HMBOX1: variants seen among roughly 807,000 people sequenced by gnomAD.
The protein encoded by HMBOX1 is homeobox-containing protein 1.
HMBOX1 carries 14 observed loss-of-function variants against 54.5 expected under a neutral mutation model. That is an observed-to-expected ratio of 0.26 (90% CI 0.17 to 0.40). The LOEUF (loss-of-function observed/expected upper bound fraction) is 0.40, where lower values mean the gene tolerates loss of function less well. Ranked by LOEUF, HMBOX1 falls within the 10% of genes least tolerant of loss-of-function variation. The pLI, the probability that HMBOX1 is intolerant of heterozygous loss-of-function variation, is 1.00. For synonymous variants in HMBOX1, 160 were observed against 181.0 expected, an observed-to-expected ratio of 0.88 and a Z score of 0.93; for missense variants, 332 against 514.4, an observed-to-expected ratio of 0.65 and a Z score of 3.43.
chr8:28,924,598 G>C (rs1262715550), intron 1 of HMBOX1: 4 of 151,610 alleles, frequency 2.6e-5, no homozygotes. Context: ...GATCCGTTTT[G>C]AGGTGATTCT....
chr8:28,895,694 T>C (rs1057047241), intron 1 of HMBOX1, among the ~76,000 whole-genome samples: 1 of 150,056 alleles, frequency 6.7e-6, no homozygotes, highest in Non-Finnish European at 1.5e-5. Context: ...AAAATTTTGA[T>C]AATGTATTGT....
intron 1 of HMBOX1, among the ~76,000 whole-genome samples, chr8:28,892,409 T>C (rs1231450900): frequency 6.6e-6 from 1 of 152,228 alleles, no homozygotes; most frequent in Non-Finnish European, 1.5e-5. Flanking sequence ...TAAGGTCATA[T>C]TTTGTACTTC....
intron 8 of HMBOX1, 34 bp downstream of exon 8, chr8:29,047,487 C>T (rs755806779): frequency 9.0e-7 from 1 of 1,116,416 alleles, no homozygotes; most frequent in South Asian, 1.2e-5. Context: ...TTCTCTTGTG[C>T]AGCAGTTGTG....
At chr8:28,906,458 C>T (rs1045265706) in intron 1 of HMBOX1, among the ~76,000 whole-genome samples, 8 of 152,120 alleles carry the variant, frequency 5.3e-5, no homozygotes, top group Admixed American at 3.9e-4. Context: ...GTGTGGTTAT[C>T]TTACATTACA....
intron 1 of HMBOX1, among the ~76,000 whole-genome samples, chr8:28,957,534 C>G (rs1314005625): frequency 6.6e-6 from 1 of 151,908 alleles, no homozygotes. Context: ...TGTAACAAAC[C>G]TGCACATGTA....
At chr8:29,045,831 T>C (rs532635222) in intron 7 of HMBOX1, among the ~76,000 whole-genome samples, 1 of 152,360 alleles carries the variant, frequency 6.6e-6, no homozygotes, top group Non-Finnish European at 1.5e-5. Flanking sequence ...TTTAAAACAA[T>C]TGTTATAAAT....
chr8:29,030,278 C>T (rs1802742228), intron 6 of HMBOX1, among the ~76,000 whole-genome samples: 1 of 150,402 alleles, frequency 6.6e-6, no homozygotes, highest in Non-Finnish European at 1.5e-5. Context: ...AGTACAATGG[C>T]GTGATCTCAG....
At chr8:28,932,192 T>A (rs1459218607) in intron 1 of HMBOX1, among the ~76,000 whole-genome samples, 5 of 152,122 alleles carry the variant, frequency 3.3e-5, no homozygotes, top group African/African-American at 1.2e-4. Flanking sequence ...TATTCAAGGA[T>A]CAGAAAGACG....
intron 5 of HMBOX1, among the ~76,000 whole-genome samples, chr8:29,013,259 A>T (rs1226186331): frequency 6.6e-6 from 1 of 152,004 alleles, no homozygotes; most frequent in Admixed American, 6.5e-5. Flanking sequence ...CCTCAGCCTC[A>T]GGAGTAGCTG....
chr8:28,926,304 T>TATATACACACACAC (rs796953426), intron 1 of HMBOX1, among the ~76,000 whole-genome samples: 9 of 142,212 alleles, frequency 6.3e-5, no homozygotes, highest in African/African-American at 2.4e-4. Context: ...TATATATATA[T>TATATACACACACAC]ACACACACAC....
In HMBOX1 at chr8:29,044,735, G is replaced by A. The variant is rs372038301; in HGVS notation, c.852-626G>A. 2.1e-3 allele frequency among the ~76,000 whole-genome samples: 319 copies of A among 152,098 alleles called. 1 individual carries two copies. Among genetic ancestry groups the A allele is most frequent in the Non-Finnish European group, 2.8e-3 (192 of 68,000 alleles). On this transcript the variant is annotated intron_variant, in intron 6 of 9. Coordinates refer to ENST00000287701, the MANE Select transcript of HMBOX1 (RefSeq NM_001135726.3). The stretch of plus-strand genomic sequence containing the variant: ...AATGGTGTTTTCAATATTATTCTGC[G>A]GATAGTTTTCCTCACTTAGAAATAT...
intron 1 of HMBOX1, among the ~76,000 whole-genome samples, chr8:28,895,473 G>C (rs988055491): frequency 6.6e-6 from 1 of 152,148 alleles, no homozygotes; most frequent in African/African-American, 2.4e-5. Context: ...TCAGGAATTC[G>C]AGACCAGTCT....
chr8:29,003,641 A>G (rs1276123176), intron 4 of HMBOX1, among the ~76,000 whole-genome samples: 1 of 146,982 alleles, frequency 6.8e-6, no homozygotes, highest in Non-Finnish European at 1.5e-5. Flanking sequence ...CCAAATAAGG[A>G]TACCTTTAGG....
At chr8:28,993,376 A>G (rs982717386) in intron 4 of HMBOX1, among the ~76,000 whole-genome samples, 22 of 152,184 alleles carry the variant, frequency 1.4e-4, no homozygotes, top group Admixed American at 1.4e-3. Flanking sequence ...TCCTATAGAA[A>G]TATTTGCTTA....
At chr8:28,943,838 G>A (rs969220536) in intron 1 of HMBOX1, among the ~76,000 whole-genome samples, 12 of 152,060 alleles carry the variant, frequency 7.9e-5, no homozygotes, top group Non-Finnish European at 1.3e-4. Context: ...ATTACATAAG[G>A]GATTACAAAG....
At chr8:28,971,343 G>A (rs375449602) in intron 3 of HMBOX1, among the ~76,000 whole-genome samples, 11 of 152,026 alleles carry the variant, frequency 7.2e-5, no homozygotes, top group Middle Eastern at 3.4e-3. Flanking sequence ...CACCCGCCTC[G>A]GCCTCCCAAA....
At chr8:29,004,340 G>A (rs1199956764) in intron 4 of HMBOX1, among the ~76,000 whole-genome samples, 1 of 152,170 alleles carries the variant, frequency 6.6e-6, no homozygotes. Context: ...CCCTGAAGTC[G>A]ACTGAAAAGA....
intron 6 of HMBOX1, among the ~76,000 whole-genome samples, chr8:29,044,712 T>C (rs1228165690): frequency 6.6e-6 from 1 of 152,188 alleles, no homozygotes; most frequent in African/African-American, 2.4e-5. Flanking sequence ...TTGAAAATAA[T>C]GGTGTTTTCA....
Position 28,973,817 on chromosome 8 carries a change from T to G in HMBOX1, c.500+3298T>G, listed in dbSNP as rs908499576. On this transcript the variant is annotated intron_variant, in intron 3 of 9. Coordinates refer to ENST00000287701, the MANE Select transcript of HMBOX1 (RefSeq NM_001135726.3). ...TACATAATGGAGTTTTTTTTTTTTTTTTTTTTTTTTTTTTTTTGAGACAGT... is the reference window on the plus strand; with the variant it reads ...TACATAATGGAGTTTTTTTTTTTTTGTTTTTTTTTTTTTTTTTGAGACAGT... Among the ~76,000 whole-genome samples the G allele has an allele frequency of 2.5e-4, 32 of 128,412 alleles. 2 individuals are homozygous for G. The highest frequency in any genetic ancestry group is 1.1e-3 in the East Asian group (5 of 4,686). The allele number at this position is 128,412 out of a possible 152,430, so 84.2% of individuals were successfully genotyped here.
Sources: gnomAD v4.1 joint callset for allele counts (sites outside exome capture counted in the v4.1 genomes callset) on GRCh38, gnomAD v4.1.1 for gene constraint, MANE v1.5 for transcripts, NCBI Gene and HGNC (gene_info 2026-07-23, HGNC 2026-07-21) for gene names.